RASSF4: variants seen among roughly 807,000 people sequenced by gnomAD.
RASSF4 encodes Ras association domain family member 4, also known as ras association domain-containing protein 4.
RASSF4 carries 38 observed loss-of-function variants against 41.1 expected under a neutral mutation model. The ratio of observed to expected loss-of-function variants is 0.92; its 90% CI spans 0.71 to 1.21. The LOEUF (loss-of-function observed/expected upper bound fraction) is 1.21, where lower values mean the gene tolerates loss of function less well. Ranked by LOEUF, RASSF4 falls within the 50% of genes most tolerant of loss-of-function variation. The pLI, the probability that RASSF4 is intolerant of heterozygous loss-of-function variation, is 0.00. For synonymous variants in RASSF4, 179 were observed against 163.4 expected (o/e 1.10, Z -0.73); for missense variants, 414 against 419.4 (o/e 0.99, Z 0.11).
Position 44,991,076 on chromosome 10 carries a change from G to A in RASSF4, c.807+7G>A. The A allele has an allele frequency of 6.2e-7, 1 of 1,610,576 alleles. No individual in the cohort carries two copies. The highest frequency in any genetic ancestry group is 8.5e-7 in the Non-Finnish European group (1 of 1,177,820). ...CGTGGAAGTCCCCCATGAAGTGAGT[G>A]GGGGCCAAGGCTGGGGAGGCCTGCT... On this transcript the variant is annotated splice_region_variant and intron_variant, in intron 9 of 10. Coordinates refer to ENST00000340258, the MANE Select transcript of RASSF4 (RefSeq NM_032023.4).
chr10:44,990,063 G>A (rs905880143), intron 8 of RASSF4, among the ~76,000 whole-genome samples: 6 of 152,186 alleles, frequency 3.9e-5, no homozygotes, highest in East Asian at 3.9e-4. Flanking sequence ...CTCCCTCTCC[G>A]CCTCTTCCAG....
chr10:44,983,109 T>A (rs986664765), intron 4 of RASSF4: 6 of 386,212 alleles, frequency 1.6e-5, no homozygotes, highest in Non-Finnish European at 3.1e-5. Flanking sequence ...AATATCAGAA[T>A]AATGTTTCTG....
chr10:44,981,546 T>C (rs1407350506), intron 3 of RASSF4: 2 of 152,248 alleles, frequency 1.3e-5, no homozygotes, highest in African/African-American at 4.8e-5. Flanking sequence ...GAGAGAATGA[T>C]ATTCAAAGTT....
intron 9 of RASSF4, among the ~76,000 whole-genome samples, chr10:44,991,655 T>C (rs752399658): frequency 9.9e-5 from 15 of 152,234 alleles, no homozygotes; most frequent in Non-Finnish European, 1.6e-4. Context: ...GCTGCTGTAC[T>C]GAATGCTCTT....
chr10:44,984,889 GC>G lies in RASSF4; in HGVS notation c.453del (p.Lys152SerfsTer37). 6.2e-7 allele frequency: 1 copy of G among 1,613,560 alleles called. No homozygotes were observed. Among genetic ancestry groups the G allele is most frequent in the Non-Finnish European group, 8.5e-7 (1 of 1,180,018 alleles). ...ACGCCAGTTGCATGAGCCAGAGGAG[GC>G]CCAAGTGCCGCGCCCCCGGTGAGGC... is the stretch of plus-strand genomic sequence containing the variant. ...SDASCMSQRR[P>X]KCRAPGEAQR... On this transcript the variant is annotated frameshift_variant, in exon 6 of 11. Coordinates refer to ENST00000340258, the MANE Select transcript of RASSF4 (RefSeq NM_032023.4). LOFTEE classifies it high-confidence loss of function.
chr10:44,969,829 C>A (rs1841071924), intron 1 of RASSF4, among the ~76,000 whole-genome samples: 1 of 152,224 alleles, frequency 6.6e-6, no homozygotes, highest in Non-Finnish European at 1.5e-5. Context: ...AGGCAGAAGC[C>A]AGTAGTCAGG....
intron 1 of RASSF4, among the ~76,000 whole-genome samples, chr10:44,969,014 G>A (rs760723134): frequency 3.9e-5 from 6 of 151,936 alleles, no homozygotes; most frequent in Non-Finnish European, 8.8e-5. Flanking sequence ...GTGTGTGTGT[G>A]TGCATGTGAG....
intron 3 of RASSF4, chr10:44,981,024 C>A (rs1841686649): frequency 6.6e-6 from 1 of 152,036 alleles, no homozygotes; most frequent in African/African-American, 2.4e-5. Flanking sequence ...TATTTGATAA[C>A]CTTTGGATAC....
intron 3 of RASSF4, among the ~76,000 whole-genome samples, chr10:44,972,264 T>G (rs897158747): frequency 2.0e-5 from 3 of 152,194 alleles, no homozygotes; most frequent in African/African-American, 7.2e-5. Context: ...GGGTCTCACC[T>G]GTGGCCCCTG....
chr10:44,982,436 A>C (rs1209873799), intron 3 of RASSF4, 85 bp from the exon 4 acceptor site: 1 of 1,535,112 alleles, frequency 6.5e-7, no homozygotes, highest in South Asian at 1.1e-5. Flanking sequence ...GCAAGGCCTG[A>C]GTGTTCAGAG....
At chr10:44,972,417 C>A (rs1391577809) in intron 3 of RASSF4, among the ~76,000 whole-genome samples, 2 of 152,268 alleles carry the variant, frequency 1.3e-5, no homozygotes, top group African/African-American at 4.8e-5. Flanking sequence ...ACCATCCCTA[C>A]TGTGCAGGAC....
chr10:44,967,558 C>G (rs1379330651), intron 1 of RASSF4, among the ~76,000 whole-genome samples: 1 of 152,254 alleles, frequency 6.6e-6, no homozygotes, highest in African/African-American at 2.4e-5. Context: ...GACCCCGTGA[C>G]GAATGTCCCT....
chr10:44,971,956 G>C (rs1170169153), intron 3 of RASSF4, 108 bp downstream of exon 3: 1 of 728,030 alleles, frequency 1.4e-6, no homozygotes, highest in African/African-American at 1.8e-5. Flanking sequence ...ACTCTCAGCA[G>C]TGACCTAGTT....
intron 1 of RASSF4, among the ~76,000 whole-genome samples, chr10:44,960,255 AG>A (rs931497309): frequency 2.0e-5 from 3 of 152,176 alleles, no homozygotes; most frequent in Admixed American, 6.5e-5. Flanking sequence ...TAATAGCAGC[AG>A]GGGGGGTCTG....
chr10:44,994,862 A>G lies in RASSF4; in HGVS notation c.*1533A>G, dbSNP rs1431197688. On this transcript the variant is annotated 3_prime_UTR_variant, in exon 11 of 11. Coordinates refer to ENST00000340258, the MANE Select transcript of RASSF4 (RefSeq NM_032023.4). The stretch of plus-strand genomic sequence containing the variant: ...ACTCGCTGCTCTAGGAGCCGACATG[A>G]CTCCTTCATTTCTGTGCATGCCCTG... 1 of 151,026 alleles carries G rather than the reference A, an allele frequency of 6.6e-6. No homozygotes were observed. Among genetic ancestry groups the G allele is most frequent in the Non-Finnish European group, 1.5e-5 (1 of 67,836 alleles). The allele number at this position is 151,026 out of a possible 1,614,324, so 9.4% of individuals were successfully genotyped here.
chr10:44,977,472 T>G (rs1841487755), intron 3 of RASSF4: 11 of 1,612,456 alleles, frequency 6.8e-6, no homozygotes, highest in Non-Finnish European at 9.3e-6. Flanking sequence ...CGGGAGGCCA[T>G]GGCTTGGGCA....
intron 4 of RASSF4, chr10:44,983,027 T>C: frequency 1.9e-6 from 1 of 515,132 alleles, no homozygotes; most frequent in South Asian, 1.6e-5. Flanking sequence ...TTTAGCCTCT[T>C]ACTACTCTGT....
intron 1 of RASSF4, among the ~76,000 whole-genome samples, chr10:44,962,307 G>A (rs965737810): frequency 6.6e-6 from 1 of 152,274 alleles, no homozygotes; most frequent in African/African-American, 2.4e-5. Flanking sequence ...GGATCTGGGA[G>A]TACATGGACA....
At chr10:44,992,448 C>T (rs1008200088) in intron 10 of RASSF4, among the ~76,000 whole-genome samples, 23 of 152,230 alleles carry the variant, frequency 1.5e-4, no homozygotes, top group African/African-American at 5.5e-4. Context: ...GATGCTGGAA[C>T]TCCCAGCCTC....
Sources: allele counts gnomAD v4.1 joint callset (sites outside exome capture counted in the v4.1 genomes callset), GRCh38; gene constraint gnomAD v4.1.1; transcripts MANE v1.5; gene names NCBI Gene and HGNC (gene_info 2026-07-23, HGNC 2026-07-21).